Variants in SPNS2 observed in about 807,000 individuals in gnomAD.
SPNS2 encodes the protein sphingosine-1-phosphate transporter SPNS2.
In SPNS2, 37 loss-of-function variants were observed where a neutral mutation model predicts 57.6. The ratio of observed to expected loss-of-function variants is 0.64; its 90% CI spans 0.49 to 0.85. The LOEUF (loss-of-function observed/expected upper bound fraction) is 0.85. Ranked by LOEUF, SPNS2 falls within the 40% of genes least tolerant of loss-of-function variation. The pLI, the probability that SPNS2 is intolerant of heterozygous loss-of-function variation, is 0.00. For missense variants in SPNS2, 831 were observed against 779.1 expected, an observed-to-expected ratio of 1.07 and a Z score of -0.79; for synonymous variants, 440 against 346.9, an observed-to-expected ratio of 1.27 and a Z score of -2.98.
Position 4,538,674 on chromosome 17 carries a change from A to G in SPNS2, c.*1226A>G. On this transcript the variant is annotated 3_prime_UTR_variant, in exon 13 of 13. Coordinates refer to ENST00000329078, the MANE Select transcript of SPNS2 (RefSeq NM_001124758.3). ...CCTTGTGGCCAATGGGGGACCCCCC[A>G]AGAGCCAGCTTGGACAATGCTCTTC... The G allele has an allele frequency of 1.8e-6, 1 of 550,144 alleles. No homozygotes were observed. Among genetic ancestry groups the G allele is most frequent in the Non-Finnish European group, 3.2e-6 (1 of 309,448 alleles). The allele number at this position is 550,144 out of a possible 1,614,324, so 34.1% of individuals were successfully genotyped here.
At chr17:4,503,545 G>A (rs1328360220) in intron 1 of SPNS2, among the ~76,000 whole-genome samples, 1 of 152,248 alleles carries the variant, frequency 6.6e-6, no homozygotes, top group Admixed American at 6.5e-5. Flanking sequence ...TGGAAGCAGA[G>A]CTGAGGGTGT....
intron 5 of SPNS2, among the ~76,000 whole-genome samples, chr17:4,531,913 GT>G (rs1051190217): frequency 1.3e-5 from 2 of 152,150 alleles, no homozygotes; most frequent in African/African-American, 4.8e-5. Context: ...GGGAGCCTCT[GT>G]GGGGCCTGCA....
intron 2 of SPNS2, among the ~76,000 whole-genome samples, chr17:4,517,387 G>A (rs942542136): frequency 2.6e-5 from 4 of 152,220 alleles, no homozygotes; most frequent in African/African-American, 9.7e-5. Flanking sequence ...GCCAGGCGCG[G>A]TGGCTCACAC....
intron 12 of SPNS2, 76 bp downstream of exon 12, chr17:4,537,022 T>C (rs1372390013): frequency 2.6e-6 from 4 of 1,521,034 alleles, no homozygotes; most frequent in Middle Eastern, 1.8e-4. Context: ...AGGGAGCACT[T>C]TTCCTCCAGA....
intron 2 of SPNS2, among the ~76,000 whole-genome samples, chr17:4,514,888 C>T (rs1904946809): frequency 6.6e-6 from 1 of 152,226 alleles, no homozygotes; most frequent in Admixed American, 6.5e-5. Context: ...AGCTGCCCAA[C>T]CCCCGCCCTG....
intron 2 of SPNS2, among the ~76,000 whole-genome samples, chr17:4,521,111 A>G (rs1397709078): frequency 1.3e-5 from 2 of 152,174 alleles, no homozygotes; most frequent in Non-Finnish European, 2.9e-5. Context: ...TCCTGGCAGG[A>G]TCTGGAGCTC....
Position 4,510,183 on chromosome 17 carries a change from G to A in SPNS2, c.371-3064G>A, listed in dbSNP as rs1254925666. 1.3e-5 allele frequency among the ~76,000 whole-genome samples: 2 copies of A among 152,254 alleles called. No individual in the cohort carries two copies. The highest frequency in any genetic ancestry group is 2.9e-5 in the Non-Finnish European group (2 of 68,040). ...AAGCAAGCCAGAAAGGTTCAGCCCA[G>A]GTCCGACCTTGGGCCTCGCAGCCTG... On this transcript the variant is annotated intron_variant, in intron 1 of 12. Transcript: ENST00000329078. The surrounding 1 kb of genome is among the most constrained non-coding windows in gnomAD (Gnocchi z 4.4).
In SPNS2 at chr17:4,513,282, A is replaced by G; in HGVS notation, c.406A>G (p.Lys136Glu). ...LLDIQQHFGVKDRGAGLLQSV... is the reference protein window; with the variant it reads ...LLDIQQHFGVEDRGAGLLQSV... ...GGACATCCAGCAGCACTTTGGGGTCAAGGACCGAGGCGCCGGCCTGCTGCA... is the reference window on the plus strand; with the variant it reads ...GGACATCCAGCAGCACTTTGGGGTCGAGGACCGAGGCGCCGGCCTGCTGCA... The change falls in exon 2 of 13, where the codon AAG becomes GAG. Residue 136 changes from lysine to glutamate, a missense_variant. Transcript: ENST00000329078. 1 of 1,614,054 alleles carries G rather than the reference A, an allele frequency of 6.2e-7. No individual in the cohort carries two copies. The highest frequency in any genetic ancestry group is 1.7e-5 in the Admixed American group (1 of 60,014).
intron 1 of SPNS2, 100 bp from the exon 2 acceptor site, chr17:4,513,147 G>C: frequency 7.5e-7 from 1 of 1,334,248 alleles, no homozygotes; most frequent in Non-Finnish European, 1.1e-6. Context: ...CCGCAGATAT[G>C]GCCAGGCTGG....
In SPNS2 at chr17:4,499,095, G is replaced by A. The variant is rs1412799111; in HGVS notation, c.48G>A (p.Glu16=). ...CGGCGGCGGCGGGCGGCGCGGAGGA[G>A]GAGGAGGCGGACGCGGAGCGGCGGC... is the stretch of plus-strand genomic sequence containing the variant. ...CASAAAGGAE[E]EEADAERRRR... is the part of the protein sequence containing the mutation. Residue 16 remains glutamate, a synonymous_variant, in exon 1 of 13, where the codon GAG becomes GAA. Transcript: ENST00000329078. This position sits in a 1 kb window ranked among gnomAD's most constrained non-coding sequence, Gnocchi z 5.2. 26 of 1,070,020 alleles carry A rather than the reference G, an allele frequency of 2.4e-5. No homozygotes were observed. The highest frequency in any genetic ancestry group is 2.9e-5 in the Non-Finnish European group (26 of 886,648). The allele number at this position is 1,070,020 out of a possible 1,614,324, so 66.3% of individuals were successfully genotyped here. A position where few individuals can be genotyped will look rare whatever the true frequency, so the allele number is the denominator to read the frequency against.
rs1904403414 is a variant in SPNS2 at position 4,499,618 on chromosome 17, C to A, written c.370+201C>A. The A allele has an allele frequency of 1.7e-5, 7 of 406,132 alleles. No individual in the cohort carries two copies. The highest frequency in any genetic ancestry group is 3.0e-5 in the Non-Finnish European group (7 of 230,736). 25.2% of individuals were successfully genotyped at this position (406,132 alleles called of 1,614,324 possible). ...CACGGGTACAATCCAGCTCCCCGCT[C>A]ATACACACCCGGGGCCAAGGGATAG... On this transcript the variant is annotated intron_variant, in intron 1 of 12. Coordinates refer to ENST00000329078, the MANE Select transcript of SPNS2 (RefSeq NM_001124758.3). This position sits in a 1 kb window ranked among gnomAD's most constrained non-coding sequence, Gnocchi z 5.2.
At position 4,533,283 on chromosome 17, in the gene SPNS2, G is replaced by A; in HGVS notation, c.1129G>A (p.Gly377Ser). Residue 377 changes from glycine (G) to serine (S), a missense_variant, in exon 8 of 13, where the codon GGC becomes AGC. By Grantham distance (56) the Gly-to-Ser change is moderately conservative. Coordinates refer to ENST00000329078, the MANE Select transcript of SPNS2 (RefSeq NM_001124758.3). Reference protein sequence around the residue: ...GAITCFTGFLGVVTGAGATRW... With the variant: ...GAITCFTGFLSVVTGAGATRW... The stretch of plus-strand genomic sequence containing the variant: ...CATCACCTGCTTTACGGGATTTCTG[G>A]GCGTGGTCACGGGGGCAGGAGCCAC... 1 of 1,609,798 alleles carries A rather than the reference G, an allele frequency of 6.2e-7. No individual in the cohort carries two copies. The highest frequency in any genetic ancestry group is 8.5e-7 in the Non-Finnish European group (1 of 1,177,862).
Position 4,538,627 on chromosome 17 carries a change from G to A in SPNS2, c.*1179G>A, listed in dbSNP as rs375418739. On this transcript the variant is annotated 3_prime_UTR_variant, in exon 13 of 13. Transcript: ENST00000329078. ...GCTGCAATCAAGGTGGTTCTGGTGC[G>A]GGGGTGGGGTGGGGGGTGAGGCCTT... The A allele has an allele frequency of 4.0e-4, 192 of 485,328 alleles. 2 individuals carry two copies. The highest frequency in any genetic ancestry group is 3.0e-3 in the African/African-American group (153 of 51,024). The allele number at this position is 485,328 out of a possible 1,614,324, so 30.1% of individuals were successfully genotyped here.
In SPNS2 at chr17:4,512,435, G is replaced by A. The variant is rs1904853215; in HGVS notation, c.371-812G>A. 6.6e-6 allele frequency among the ~76,000 whole-genome samples: 1 copy of A among 152,136 alleles called. No homozygotes were observed. The highest frequency in any genetic ancestry group is 6.5e-5 in the Admixed American group (1 of 15,288). On this transcript the variant is annotated intron_variant, in intron 1 of 12. Coordinates refer to ENST00000329078, the MANE Select transcript of SPNS2 (RefSeq NM_001124758.3). This position sits in a 1 kb window ranked among gnomAD's most constrained non-coding sequence, Gnocchi z 5.2. ...TCTGCTGGGGCTGTGGGTGGTTTCT[G>A]GGTGGTCCAGCTGCTGCCCCCACCC...
chr17:4,538,406 TGAGGCCCCGGGAGAG>T lies in SPNS2; in HGVS notation c.*960_*974del, dbSNP rs1905994692. On this transcript the variant is annotated 3_prime_UTR_variant, in exon 13 of 13. Transcript: ENST00000329078. Reference sequence around the variant, plus strand: ...AAGCTTCCTGCCCCAGAGCTGAGGCTGAGGCCCCGGGAGAGGCGGCCCCTACCCAAACACTGGCTG... The same window carrying T: ...AAGCTTCCTGCCCCAGAGCTGAGGCTGCGGCCCCTACCCAAACACTGGCTG... 5.2e-6 allele frequency: 1 copy of T among 190,544 alleles called. No individual in the cohort carries two copies. The highest frequency in any genetic ancestry group is 5.6e-5 in the Admixed American group (1 of 17,884). 11.8% of individuals were successfully genotyped at this position (190,544 alleles called of 1,614,324 possible). A position where few individuals can be genotyped will look rare whatever the true frequency, so the allele number is the denominator to read the frequency against.
intron 1 of SPNS2, among the ~76,000 whole-genome samples, chr17:4,508,376 G>C (rs1904737307): frequency 6.6e-6 from 1 of 152,204 alleles, no homozygotes; most frequent in South Asian, 2.1e-4. Context: ...TAGAAAGGGT[G>C]ACTCTGCAGA....
rs573895148 is a variant in SPNS2, at chr17:4,512,204, C to T, written c.371-1043C>T. On this transcript the variant is annotated intron_variant, in intron 1 of 12. Coordinates refer to ENST00000329078, the MANE Select transcript of SPNS2 (RefSeq NM_001124758.3). The surrounding 1 kb of genome is among the most constrained non-coding windows in gnomAD (Gnocchi z 5.2). ...CAGGGCCATCTCCTCTTCCTTCTTC[C>T]GCTGTCCCTTCTCACTGCAGATGTG... Among the ~76,000 whole-genome samples the T allele has an allele frequency of 7.9e-5, 12 of 152,368 alleles. No homozygotes were observed. In the East Asian group the frequency reaches 9.6e-4, roughly 12 times the overall value.
chr17:4,520,170 G>A (rs1290486983), intron 2 of SPNS2, among the ~76,000 whole-genome samples: 1 of 152,242 alleles, frequency 6.6e-6, no homozygotes, highest in Non-Finnish European at 1.5e-5. Flanking sequence ...TGGACGTGGG[G>A]AGGATCAGGT....
rs114978818 is a variant in SPNS2 at position 4,533,595 on chromosome 17, G to A, written c.1278+163G>A. On this transcript the variant is annotated intron_variant, in intron 8 of 12. Transcript: ENST00000329078. ...TCCCCAGCCTGGCCACACACAGCCT[G>A]TCCAGGGCCTCTGGGTGCCTCAGGG... The A allele has an allele frequency of 2.1e-4, 218 of 1,020,684 alleles. No individual in the cohort carries two copies. In the African/African-American group the frequency reaches 2.8e-3, roughly 13 times the overall value. 63.2% of individuals were successfully genotyped at this position (1,020,684 alleles called of 1,614,324 possible).
Sources: allele counts gnomAD v4.1 joint callset (sites outside exome capture counted in the v4.1 genomes callset), GRCh38; gene constraint gnomAD v4.1.1; non-coding constraint Gnocchi (gnomAD v3.1); transcripts MANE v1.5; gene names NCBI Gene and HGNC (gene_info 2026-07-23, HGNC 2026-07-21).